PTPRD: variants seen among roughly 807,000 people sequenced by gnomAD.
The protein encoded by PTPRD is receptor-type tyrosine-protein phosphatase delta.
Under a neutral mutation model 214.5 loss-of-function variants are expected in PTPRD, and 34 were observed. The ratio of observed to expected loss-of-function variants is 0.16; its 90% CI spans 0.12 to 0.21. The LOEUF is 0.21. Among genes scored for constraint, PTPRD ranks in the 10% least tolerant of loss-of-function variants. The pLI is 1.00. For missense variants in PTPRD, 2,545 were observed against 2,398.7 expected, an observed-to-expected ratio of 1.06 and a Z score of -1.27; for synonymous variants, 1,128 against 845.7, an observed-to-expected ratio of 1.33 and a Z score of -5.79.
intron 7 of PTPRD, among the ~76,000 whole-genome samples, chr9:9,715,284 T>C (rs182730748): frequency 8.5e-5 from 13 of 152,284 alleles, no homozygotes; most frequent in African/African-American, 3.1e-4. Context: ...ATTTTTCAAC[T>C]CTAAATTCTC....
intron 3 of PTPRD, among the ~76,000 whole-genome samples, chr9:10,216,524 T>C (rs2099541839): frequency 1.3e-5 from 2 of 152,010 alleles, no homozygotes; most frequent in Admixed American, 1.3e-4. Context: ...ATTAGACATC[T>C]GCTGTCTATT....
chr9:10,443,403 T>C (rs1255928253), intron 2 of PTPRD, among the ~76,000 whole-genome samples: 1 of 151,592 alleles, frequency 6.6e-6, no homozygotes, highest in Admixed American at 6.6e-5. Context: ...CAATGTACTG[T>C]TCACCAACTG....
At chr9:10,029,885 C>A (rs1027645810) in intron 4 of PTPRD, among the ~76,000 whole-genome samples, 9 of 152,138 alleles carry the variant, frequency 5.9e-5, no homozygotes, top group Admixed American at 6.5e-5. Context: ...TGTGTCCCCA[C>A]TCAAATTTCA....
chr9:9,161,025 G>T (rs1211671049), intron 10 of PTPRD, among the ~76,000 whole-genome samples: 1 of 152,118 alleles, frequency 6.6e-6, no homozygotes, highest in African/African-American at 2.4e-5. Flanking sequence ...GATTACCAGA[G>T]CCTGGGATAT....
chr9:8,980,424 T>C (rs2099304884), intron 11 of PTPRD, among the ~76,000 whole-genome samples: 1 of 152,136 alleles, frequency 6.6e-6, no homozygotes, highest in African/African-American at 2.4e-5. Flanking sequence ...AGATGATAGA[T>C]ATGTTAATCT....
chr9:9,585,106 T>G (rs1046237483), intron 7 of PTPRD, among the ~76,000 whole-genome samples: 2 of 152,060 alleles, frequency 1.3e-5, no homozygotes, highest in African/African-American at 4.8e-5. Context: ...ATTATCATTT[T>G]TGTTTCATTA....
At chr9:9,019,450 A>T (rs969220633) in intron 10 of PTPRD, among the ~76,000 whole-genome samples, 1 of 152,214 alleles carries the variant, frequency 6.6e-6, no homozygotes. Flanking sequence ...CATGCCTGTT[A>T]TCCCAGGACT....
chr9:9,882,328 G>T (rs1006538552), intron 5 of PTPRD, among the ~76,000 whole-genome samples: 1 of 151,852 alleles, frequency 6.6e-6, no homozygotes, highest in African/African-American at 2.4e-5. Flanking sequence ...TCTTTGAAAG[G>T]TTTTCCCATC....
intron 9 of PTPRD, among the ~76,000 whole-genome samples, chr9:9,213,406 A>C (rs1285591805): frequency 6.6e-6 from 1 of 152,208 alleles, no homozygotes; most frequent in Non-Finnish European, 1.5e-5. Flanking sequence ...ATTCGTGCAC[A>C]GTTATTGGTA....
intron 11 of PTPRD, among the ~76,000 whole-genome samples, chr9:8,759,163 T>C (rs1391146463): frequency 6.6e-6 from 1 of 152,060 alleles, no homozygotes; most frequent in Non-Finnish European, 1.5e-5. Flanking sequence ...CCCAAGTAGC[T>C]AGGATGACAG....
At chr9:8,996,926 T>A (rs1044593612) in intron 11 of PTPRD, among the ~76,000 whole-genome samples, 1 of 152,234 alleles carries the variant, frequency 6.6e-6, no homozygotes, top group East Asian at 1.9e-4. Context: ...TTTATGATTC[T>A]ATGTGTTTGT....
chr9:8,330,659 A>AAGAT (rs1839453199), intron 44 of PTPRD, among the ~76,000 whole-genome samples: 1 of 151,928 alleles, frequency 6.6e-6, no homozygotes, highest in African/African-American at 2.4e-5. Flanking sequence ...AACCTCAGCT[A>AAGAT]AGATAACTGA....
rs143862162 is a variant in PTPRD at position 10,213,547 on chromosome 9, G to A, written c.-545+127416C>T. 1.5e-3 allele frequency among the ~76,000 whole-genome samples: 230 copies of A among 152,232 alleles called. 1 individual carries two copies. The highest frequency in any genetic ancestry group is 5.3e-3 in the African/African-American group (222 of 41,566). On this transcript the variant is annotated intron_variant, in intron 3 of 45. Transcript: ENST00000381196. Reference sequence around the variant, plus strand: ...CTGAGGAAATCCACCTGCTAAGAGAGCAAGATATAGTATTTCATTACGTTA... The same window carrying A: ...CTGAGGAAATCCACCTGCTAAGAGAACAAGATATAGTATTTCATTACGTTA...
At chr9:9,508,944 CAT>C (rs894847282) in intron 8 of PTPRD, among the ~76,000 whole-genome samples, 1 of 151,496 alleles carries the variant, frequency 6.6e-6, no homozygotes, top group African/African-American at 2.4e-5. Context: ...ATATTAATTA[CAT>C]GTTACTGCGT....
chr9:8,581,483 T>G (rs2093086739), intron 14 of PTPRD, among the ~76,000 whole-genome samples: 1 of 152,180 alleles, frequency 6.6e-6, no homozygotes, highest in Non-Finnish European at 1.5e-5. Context: ...GCGCAGTGGC[T>G]CACGCCTGTA....
chr9:9,970,401 G>A (rs1354958994), intron 4 of PTPRD, among the ~76,000 whole-genome samples: 1 of 139,334 alleles, frequency 7.2e-6, no homozygotes, highest in Non-Finnish European at 1.6e-5. Flanking sequence ...AGTGAGCCGA[G>A]AGCCTGGGCG....
chr9:9,711,251 T>G (rs1323607065), intron 7 of PTPRD, among the ~76,000 whole-genome samples: 1 of 152,160 alleles, frequency 6.6e-6, no homozygotes, highest in Non-Finnish European at 1.5e-5. Flanking sequence ...TGAGCAGAAA[T>G]ATGCCATAGG....
chr9:9,821,672 T>C (rs1251339960), intron 5 of PTPRD, among the ~76,000 whole-genome samples: 1 of 152,038 alleles, frequency 6.6e-6, no homozygotes, highest in Admixed American at 6.6e-5. Flanking sequence ...CATTTGTATC[T>C]ATTATTAAAT....
At chr9:10,192,342 T>C (rs1052226646) in intron 3 of PTPRD, among the ~76,000 whole-genome samples, 13 of 149,912 alleles carry the variant, frequency 8.7e-5, no homozygotes, top group African/African-American at 2.7e-4. Context: ...ACACACTTGG[T>C]AGCTTAATAC....
Sources: gnomAD v4.1 joint callset for allele counts (sites outside exome capture counted in the v4.1 genomes callset) on GRCh38, gnomAD v4.1.1 for gene constraint, MANE v1.5 for transcripts, NCBI Gene and HGNC (gene_info 2026-07-23, HGNC 2026-07-21) for gene names.